Variants in TRIM69 observed in about 807,000 individuals in gnomAD.
TRIM69 encodes the protein tripartite motif containing 69, also known as E3 ubiquitin-protein ligase TRIM69.
Under a neutral mutation model 37.7 loss-of-function variants are expected in TRIM69, and 29 were observed. That is an observed-to-expected ratio of 0.77 (90% CI 0.57 to 1.05). The LOEUF (loss-of-function observed/expected upper bound fraction) is 1.05. TRIM69 is among the 50% of genes least tolerant of loss of function. The pLI, the probability that TRIM69 is intolerant of heterozygous loss-of-function variation, is 0.00. For synonymous variants in TRIM69, 209 were observed against 212.4 expected, an observed-to-expected ratio of 0.98 and a Z score of 0.14; for missense variants, 596 against 579.9, an observed-to-expected ratio of 1.03 and a Z score of -0.28.
At chr15:44,753,236 T>C (rs1032186630) in intron 1 of TRIM69, 2 of 152,180 alleles carry the variant, frequency 1.3e-5, no homozygotes, top group Admixed American at 1.3e-4. Flanking sequence ...CCTTCAGTTT[T>C]TGTTTATCTG....
At position 44,767,801 on chromosome 15, in the gene TRIM69, T is replaced by C. The variant is rs758741468; in HGVS notation, c.*29T>C. 1.3e-6 allele frequency: 2 copies of C among 1,567,902 alleles called. No homozygotes were observed. The highest frequency in any genetic ancestry group is 1.7e-6 in the Non-Finnish European group (2 of 1,158,484). Reference sequence around the variant, plus strand: ...GTCATAATATTATACAAATTCAGAGTGTTATTAAAGAGGTATTGAAATATT... The same window carrying C: ...GTCATAATATTATACAAATTCAGAGCGTTATTAAAGAGGTATTGAAATATT... On this transcript the variant is annotated 3_prime_UTR_variant, in exon 7 of 7. Transcript: ENST00000329464.
chr15:44,742,856 GA>G (rs939797030), intron 1 of TRIM69, among the ~76,000 whole-genome samples: 67 of 151,498 alleles, frequency 4.4e-4, no homozygotes, highest in Admixed American at 4.1e-3. Flanking sequence ...TCATGGATAG[GA>G]AGAATCAGTA....
rs201956627 is a variant in TRIM69, at chr15:44,758,828, C to A, written c.787C>A (p.Gln263Lys). ...MLVSIQAKTE[Q>K]QNSFDFLKDI... ...GGTGAGCATTCAGGCAAAGACGGAACAACAGAACTCCTTCGACTTTCTCAA... is the reference window on the plus strand; with the variant it reads ...GGTGAGCATTCAGGCAAAGACGGAAAAACAGAACTCCTTCGACTTTCTCAA... Residue 263 changes from glutamine to lysine, a missense_variant, in exon 4 of 7, where the codon CAA becomes AAA. Transcript: ENST00000329464. 6.2e-7 allele frequency: 1 copy of A among 1,613,782 alleles called. No homozygotes were observed. The highest frequency in any genetic ancestry group is 2.2e-5 in the East Asian group (1 of 44,850).
intron 6 of TRIM69, among the ~76,000 whole-genome samples, chr15:44,761,416 T>C (rs1034460512): frequency 1.1e-4 from 17 of 152,176 alleles, no homozygotes; most frequent in African/African-American, 4.1e-4. Context: ...TTTAAACCAT[T>C]TTATTGAATG....
intron 1 of TRIM69, among the ~76,000 whole-genome samples, chr15:44,740,838 G>C (rs1362817294): frequency 1.3e-5 from 2 of 151,990 alleles, no homozygotes; most frequent in Non-Finnish European, 2.9e-5. Flanking sequence ...GACCTACAAA[G>C]AGACTTAGAC....
At chr15:44,740,661 C>T (rs1387081719) in intron 1 of TRIM69, among the ~76,000 whole-genome samples, 2 of 151,606 alleles carry the variant, frequency 1.3e-5, no homozygotes, top group African/African-American at 2.4e-5. Flanking sequence ...GCAGGGGTTG[C>T]AATCCTAGTC....
At chr15:44,748,322 C>T (rs2087449467) in intron 1 of TRIM69, among the ~76,000 whole-genome samples, 1 of 152,102 alleles carries the variant, frequency 6.6e-6, no homozygotes, top group South Asian at 2.1e-4. Flanking sequence ...TGGGCAGAGC[C>T]TCTATGTTAT....
intron 1 of TRIM69, chr15:44,753,402 G>A (rs1181085924): frequency 6.6e-6 from 1 of 152,166 alleles, no homozygotes; most frequent in African/African-American, 2.4e-5. Flanking sequence ...ACAGGTGTGA[G>A]CTACTGTGCC....
At chr15:44,740,410 G>A (rs1292277723) in intron 1 of TRIM69, among the ~76,000 whole-genome samples, 2 of 152,190 alleles carry the variant, frequency 1.3e-5, no homozygotes, top group African/African-American at 4.8e-5. Flanking sequence ...AGAGAAGAAG[G>A]CTTCAGATGA....
At chr15:44,756,651 A>G (rs2141140247) in intron 3 of TRIM69, 188 bp downstream of exon 3, 2 of 498,822 alleles carry the variant, frequency 4.0e-6, no homozygotes, top group South Asian at 3.6e-5. Flanking sequence ...CTAATAGCTG[A>G]TCAACAGAGC....
At chr15:44,738,791 G>T (rs1169572901) in intron 1 of TRIM69, among the ~76,000 whole-genome samples, 1 of 152,134 alleles carries the variant, frequency 6.6e-6, no homozygotes, top group Non-Finnish European at 1.5e-5. Flanking sequence ...CTTAAAATAT[G>T]TAGTAATAAT....
intron 1 of TRIM69, among the ~76,000 whole-genome samples, chr15:44,747,540 TAATAGA>T (rs1776914279): frequency 6.6e-6 from 1 of 151,816 alleles, no homozygotes. Flanking sequence ...AAAAAGAAAT[TAATAGA>T]AATAAAGACT....
intron 3 of TRIM69, chr15:44,756,811 C>G (rs3759884): frequency 0.054 from 9,991 of 184,320 alleles, 327 homozygotes; most frequent in South Asian, 0.089. Context: ...CTAAAGATTG[C>G]TATGTCCAAA....
At chr15:44,744,367 T>G (rs2087358205) in intron 1 of TRIM69, among the ~76,000 whole-genome samples, 1 of 144,936 alleles carries the variant, frequency 6.9e-6, no homozygotes, top group South Asian at 2.3e-4. Flanking sequence ...AATGATGAGT[T>G]AATGGGTGCA....
chr15:44,741,935 GA>G (rs906863914), intron 1 of TRIM69, among the ~76,000 whole-genome samples: 2 of 152,176 alleles, frequency 1.3e-5, no homozygotes, highest in Non-Finnish European at 2.9e-5. Flanking sequence ...CCAATCAACA[GA>G]AAAAGAGGGA....
chr15:44,754,782 A>G (rs972574156), intron 1 of TRIM69, 118 bp from the exon 2 acceptor site: 3 of 732,526 alleles, frequency 4.1e-6, no homozygotes, highest in Non-Finnish European at 7.1e-6. Context: ...AGGAGAGATT[A>G]TGTGCTTTTA....
At chr15:44,758,194 C>T (rs2087692654) in intron 3 of TRIM69, 2 of 173,830 alleles carry the variant, frequency 1.2e-5, no homozygotes, top group Admixed American at 1.1e-4. Flanking sequence ...GCAAGTGTAA[C>T]AGTGGCATTC....
At chr15:44,765,939 A>G (rs774086039) in intron 6 of TRIM69, among the ~76,000 whole-genome samples, 48 of 152,200 alleles carry the variant, frequency 3.2e-4, no homozygotes, top group Non-Finnish European at 6.5e-4. Flanking sequence ...TCAAGGTCCA[A>G]TGATCTCACA....
rs1389586488 is a variant in TRIM69, at chr15:44,758,733, C to T, written c.692C>T (p.Ala231Val). 6 of 1,613,988 alleles carry T rather than the reference C, an allele frequency of 3.7e-6. No homozygotes were observed. Among genetic ancestry groups the T allele is most frequent in the Non-Finnish European group, 5.1e-6 (6 of 1,180,020 alleles). Residue 231 changes from alanine to valine, a missense_variant, in exon 4 of 7, where the codon GCC becomes GTC. Coordinates refer to ENST00000329464, the MANE Select transcript of TRIM69 (RefSeq NM_182985.5). ...ACTGAGCTCCGGGAAGAGGGGAAAG[C>T]CTTGAATGAGGAGATGGAGTTGAAT... is the stretch of plus-strand genomic sequence containing the variant. ...ILTELREEGK[A>V]LNEEMELNLS...
Sources: allele counts gnomAD v4.1 joint callset (sites outside exome capture counted in the v4.1 genomes callset), GRCh38; gene constraint gnomAD v4.1.1; transcripts MANE v1.5; gene names NCBI Gene and HGNC (gene_info 2026-07-23, HGNC 2026-07-21).